Variants in NIBAN1 observed in about 807,000 individuals in gnomAD.
NIBAN1 encodes protein Niban 1.
Under a neutral mutation model 75.1 loss-of-function variants are expected in NIBAN1, and 81 were observed. That is an observed-to-expected ratio of 1.08 (90% confidence interval 0.90 to 1.30). The LOEUF (loss-of-function observed/expected upper bound fraction) is 1.30. NIBAN1 is among the 50% of genes most tolerant of loss of function. The pLI is 0.00. For missense variants in NIBAN1, 1,133 were observed against 1,128.1 expected (o/e 1.00, Z -0.06); for synonymous variants, 436 against 424.8 (o/e 1.03, Z -0.32).
At chr1:184,827,918 G>A (rs1241502101) in intron 6 of NIBAN1, among the ~76,000 whole-genome samples, 6 of 150,208 alleles carry the variant, frequency 4.0e-5, no homozygotes, top group Non-Finnish European at 8.9e-5. Flanking sequence ...CAACTCTGGA[G>A]CACGTGGACA....
At chr1:184,813,975 C>G (rs1489005689) in intron 9 of NIBAN1, among the ~76,000 whole-genome samples, 1 of 151,994 alleles carries the variant, frequency 6.6e-6, no homozygotes, top group African/African-American at 2.4e-5. Context: ...ATTGAGCCTA[C>G]TGAAAAAAAT....
In NIBAN1 at chr1:184,795,822, G is replaced by A. The variant is rs1429806067; in HGVS notation, c.1942C>T (p.Pro648Ser). 6.2e-7 allele frequency: 1 copy of A among 1,609,608 alleles called. No individual in the cohort carries two copies. Among genetic ancestry groups the A allele is most frequent in the East Asian group, 2.2e-5 (1 of 44,826 alleles). Residue 648 changes from proline (P) to serine (S), a missense_variant, in exon 14 of 14, where the codon CCC (proline) becomes TCC (serine). Coordinates refer to ENST00000367511, the MANE Select transcript of NIBAN1 (RefSeq NM_052966.4). ...ESLSLPGPSP[P>S]PDGTEQVIIS... ...ATCACCTGCTCAGTCCCATCTGGGG[G>A]TGGGCTTGGCCCAGGGAGAGAAAGG...
chr1:184,893,418 G>C (rs60270614), intron 3 of NIBAN1, among the ~76,000 whole-genome samples: 3 of 152,136 alleles, frequency 2.0e-5, no homozygotes, highest in African/African-American at 7.2e-5. Context: ...AAAAACTAAA[G>C]TCCTCCCAGG....
chr1:184,931,969 A>G (rs1236111395), intron 1 of NIBAN1, among the ~76,000 whole-genome samples: 1 of 152,182 alleles, frequency 6.6e-6, no homozygotes, highest in Non-Finnish European at 1.5e-5. Flanking sequence ...CTTCCTCCAG[A>G]TATCTCATAT....
At chr1:184,958,997 C>T (rs377267698) in intron 1 of NIBAN1, among the ~76,000 whole-genome samples, 16 of 152,342 alleles carry the variant, frequency 1.1e-4, no homozygotes, top group South Asian at 8.3e-4. Flanking sequence ...TTTAAACAAA[C>T]GCATTCAATC....
chr1:184,944,152 A>G (rs1177382121), intron 1 of NIBAN1, among the ~76,000 whole-genome samples: 1 of 152,200 alleles, frequency 6.6e-6, no homozygotes, highest in Non-Finnish European at 1.5e-5. Context: ...CCTGGGAGGT[A>G]GAGGATGGAT....
intron 5 of NIBAN1, among the ~76,000 whole-genome samples, chr1:184,835,153 A>G (rs1655103479): frequency 6.6e-6 from 1 of 152,160 alleles, no homozygotes; most frequent in South Asian, 2.1e-4. Flanking sequence ...AGATGGTTGT[A>G]GATGTGTGGT....
At position 184,831,974 on chromosome 1, in the gene NIBAN1, A is replaced by T. The variant is rs1468318165; in HGVS notation, c.602-12T>A. 7.5e-6 allele frequency: 12 copies of T among 1,593,490 alleles called. No homozygotes were observed. The highest frequency in any genetic ancestry group is 1.0e-5 in the Non-Finnish European group (12 of 1,161,410). ...CTGCTTCATGTAATCTAAAGAAAAG[A>T]AGAAAGGGCATTCAGCAAGATAAAA... On this transcript the variant is annotated splice_polypyrimidine_tract_variant and intron_variant, in intron 5 of 13. Transcript: ENST00000367511.
At chr1:184,828,193 C>T (rs1237169800) in intron 6 of NIBAN1, among the ~76,000 whole-genome samples, 2 of 152,052 alleles carry the variant, frequency 1.3e-5, no homozygotes, top group Non-Finnish European at 2.9e-5. Flanking sequence ...GTCTGCCAGG[C>T]AAGTTATTCT....
At chr1:184,892,412 C>T (rs1332771574) in intron 3 of NIBAN1, among the ~76,000 whole-genome samples, 4 of 152,098 alleles carry the variant, frequency 2.6e-5, no homozygotes, top group East Asian at 1.9e-4. Context: ...CTACACTGTC[C>T]CTCCTCAAGC....
chr1:184,823,056 C>T (rs1654746776), intron 8 of NIBAN1, 111 bp downstream of exon 8: 2 of 1,313,326 alleles, frequency 1.5e-6, no homozygotes, highest in South Asian at 1.4e-5. Flanking sequence ...ATCACCTCCT[C>T]CCAATTTCTT....
At chr1:184,867,704 T>G (rs1655993899) in intron 5 of NIBAN1, among the ~76,000 whole-genome samples, 1 of 152,240 alleles carries the variant, frequency 6.6e-6, no homozygotes. Flanking sequence ...TTTATTCCAC[T>G]TATCCTGGAA....
chr1:184,973,031 T>C (rs991602432), intron 1 of NIBAN1, among the ~76,000 whole-genome samples: 2 of 152,264 alleles, frequency 1.3e-5, no homozygotes, highest in Non-Finnish European at 2.9e-5. Flanking sequence ...AACACAAGCA[T>C]GTAGCCACAT....
intron 5 of NIBAN1, among the ~76,000 whole-genome samples, chr1:184,873,097 T>G (rs1239926041): frequency 6.6e-6 from 1 of 152,110 alleles, no homozygotes; most frequent in Non-Finnish European, 1.5e-5. Flanking sequence ...GACAGGAAAA[T>G]AATTGCTGCA....
intron 4 of NIBAN1, among the ~76,000 whole-genome samples, chr1:184,888,476 T>A (rs1656587738): frequency 6.6e-6 from 1 of 152,236 alleles, no homozygotes; most frequent in South Asian, 2.1e-4. Flanking sequence ...TCTAGTTATC[T>A]CTCAACCTTT....
chr1:184,941,312 A>T (rs1404659847), intron 1 of NIBAN1, among the ~76,000 whole-genome samples: 2 of 152,160 alleles, frequency 1.3e-5, no homozygotes, highest in Non-Finnish European at 2.9e-5. Flanking sequence ...GAACACCCTA[A>T]ATTAGGAAAG....
chr1:184,902,493 A>G (rs1434175265), intron 1 of NIBAN1, among the ~76,000 whole-genome samples: 2 of 152,190 alleles, frequency 1.3e-5, no homozygotes, highest in Non-Finnish European at 2.9e-5. Flanking sequence ...AATTAAAATG[A>G]TGATGATAAT....
intron 9 of NIBAN1, among the ~76,000 whole-genome samples, chr1:184,814,155 G>C (rs1221389784): frequency 1.3e-5 from 2 of 152,114 alleles, no homozygotes; most frequent in African/African-American, 4.8e-5. Flanking sequence ...AAAATTAACT[G>C]TAAGAGATTC....
chr1:184,898,994 T>C (rs899696202), intron 2 of NIBAN1, among the ~76,000 whole-genome samples, 185 bp downstream of exon 2: 2 of 152,228 alleles, frequency 1.3e-5, no homozygotes, highest in Non-Finnish European at 2.9e-5. Context: ...TTTCTATGGA[T>C]TATATCAGCA....
Sources: allele counts gnomAD v4.1 joint callset (sites outside exome capture counted in the v4.1 genomes callset), GRCh38; gene constraint gnomAD v4.1.1; transcripts MANE v1.5; gene names NCBI Gene and HGNC (gene_info 2026-07-23, HGNC 2026-07-21).